Variants in LIFR observed in about 807,000 individuals in gnomAD.
LIFR encodes LIF receptor subunit alpha.
A neutral mutation model predicts 122.2 loss-of-function variants in LIFR; 84 were observed. The ratio of observed to expected loss-of-function variants is 0.69; its 90% CI spans 0.58 to 0.82. The LOEUF (loss-of-function observed/expected upper bound fraction) is 0.82. Ranked by LOEUF, LIFR falls within the 40% of genes least tolerant of loss-of-function variation. LIFR has a pLI of 0.00. For missense variants in LIFR, 1,294 were observed against 1,311.6 expected (o/e 0.99, Z 0.21); for synonymous variants, 422 against 434.7 (o/e 0.97, Z 0.36).
At chr5:38,485,123 A>C (rs2112372869) in intron 17 of LIFR, among the ~76,000 whole-genome samples, 1 of 152,316 alleles carries the variant, frequency 6.6e-6, no homozygotes, top group Admixed American at 6.5e-5. Flanking sequence ...GATCTTCACT[A>C]GAGGATCAGG....
intron 1 of LIFR, among the ~76,000 whole-genome samples, chr5:38,565,955 A>G (rs186118628): frequency 6.6e-6 from 1 of 152,348 alleles, no homozygotes; most frequent in African/African-American, 2.4e-5. Context: ...CATGCTAAGG[A>G]AACAACAGTG....
intron 1 of LIFR, among the ~76,000 whole-genome samples, chr5:38,551,487 C>T (rs1476386584): frequency 6.6e-6 from 1 of 152,194 alleles, no homozygotes; most frequent in Non-Finnish European, 1.5e-5. Flanking sequence ...ATTCAACAGT[C>T]CTCGGATTCA....
intron 1 of LIFR, among the ~76,000 whole-genome samples, chr5:38,547,909 G>A (rs1005741901): frequency 6.6e-6 from 1 of 152,128 alleles, no homozygotes; most frequent in Non-Finnish European, 1.5e-5. Flanking sequence ...TAACAGAACG[G>A]AAGTATTTGG....
At chr5:38,534,645 T>C (rs1305594683) in intron 1 of LIFR, among the ~76,000 whole-genome samples, 3 of 152,198 alleles carry the variant, frequency 2.0e-5, no homozygotes, top group African/African-American at 7.2e-5. Context: ...AAAATATCTG[T>C]ATCAAAGATG....
chr5:38,495,876 T>C (rs917900588), intron 13 of LIFR, among the ~76,000 whole-genome samples: 17 of 152,296 alleles, frequency 1.1e-4, no homozygotes, highest in East Asian at 5.8e-4. Context: ...AAGGCCTATA[T>C]TGAAGATCTA....
chr5:38,540,205 G>GACCCAGC (rs1431934988), intron 1 of LIFR, among the ~76,000 whole-genome samples: 4 of 151,896 alleles, frequency 2.6e-5, no homozygotes, highest in Admixed American at 6.6e-5. Context: ...ACACAACTAA[G>GACCCAGC]ACCCAGCACC....
intron 7 of LIFR, among the ~76,000 whole-genome samples, chr5:38,507,545 C>G (rs1399712117): frequency 4.4e-5 from 5 of 112,600 alleles, no homozygotes; most frequent in African/African-American, 1.8e-4. Flanking sequence ...GTCTGGGCGA[C>G]AGAGCGATAC....
chr5:38,531,938 G>A (rs1747035696), intron 1 of LIFR, among the ~76,000 whole-genome samples: 2 of 152,242 alleles, frequency 1.3e-5, no homozygotes, highest in Admixed American at 6.5e-5. Flanking sequence ...TTTTCTGGAT[G>A]AATGAATAAC....
intron 1 of LIFR, among the ~76,000 whole-genome samples, chr5:38,592,644 G>A (rs1235966095): frequency 1.1e-4 from 15 of 131,642 alleles, no homozygotes; most frequent in African/African-American, 4.6e-4. Context: ...GCGACAGAGC[G>A]AGACTCCGTC....
At chr5:38,560,595 G>T (rs537119653), upstream of LIFR, among the ~76,000 whole-genome samples, 1,507 of 148,882 alleles carry the variant, frequency 0.01, 14 homozygotes, top group Middle Eastern at 0.07. Context: ...GTTTTGTTTT[G>T]TTTTTTGTTT....
At chr5:38,594,580 T>A (rs1750036186) in intron 1 of LIFR, among the ~76,000 whole-genome samples, 1 of 152,172 alleles carries the variant, frequency 6.6e-6, no homozygotes, top group South Asian at 2.1e-4. Flanking sequence ...TGAAGCTCTC[T>A]GTACTTTGTG....
chr5:38,545,614 G>A (rs1747839080), intron 1 of LIFR, among the ~76,000 whole-genome samples: 1 of 151,962 alleles, frequency 6.6e-6, no homozygotes, highest in Non-Finnish European at 1.5e-5. Flanking sequence ...TGTAATCCCA[G>A]CACTTTGGGA....
upstream of LIFR, chr5:38,558,497 G>A (rs1748702146): frequency 2.6e-5 from 4 of 152,160 alleles, no homozygotes. Context: ...CACTTAGGGG[G>A]TAATGCAGGT....
chr5:38,558,184 GTA>G (rs201930349), upstream of LIFR: 2 of 151,964 alleles, frequency 1.3e-5, no homozygotes, highest in African/African-American at 4.8e-5. Flanking sequence ...TAAAATGTAT[GTA>G]TATATGTGTG....
chr5:38,510,869 T>C (rs111252334), intron 6 of LIFR, 151 bp from the exon 7 acceptor site: 4 of 667,392 alleles, frequency 6.0e-6, no homozygotes, highest in Non-Finnish European at 7.5e-6. Flanking sequence ...ATGATAATGG[T>C]CCAAAGATAA....
intron 4 of LIFR, among the ~76,000 whole-genome samples, chr5:38,525,786 A>G (rs1320726855): frequency 6.6e-6 from 1 of 152,238 alleles, no homozygotes; most frequent in Non-Finnish European, 1.5e-5. Context: ...AGAAAAGAGC[A>G]AGAGGCTTCC....
chr5:38,496,495 T>C lies in LIFR; in HGVS notation c.1772A>G (p.Gln591Arg), dbSNP rs753217071. 1 of 1,613,742 alleles carries C rather than the reference T, an allele frequency of 6.2e-7. No homozygotes were observed. The highest frequency in any genetic ancestry group is 2.2e-5 in the East Asian group (1 of 44,890). ...ATCAAGTCGTATCTCTGCTTTGTGCTGAGGATCAGGGATTTCAGAAAGGGA... is the reference window on the plus strand; with the variant it reads ...ATCAAGTCGTATCTCTGCTTTGTGCCGAGGATCAGGGATTTCAGAAAGGGA... ...TQSLSEIPDP[Q>R]HKAEIRLDKN... The change falls in exon 13 of 20, where the codon CAG becomes CGG. Residue 591 changes from glutamine (Q) to arginine (R), a missense_variant. Physicochemically the swap from Gln to Arg is conservative, Grantham distance 43 (BLOSUM62 1). Transcript: ENST00000453190.
intron 1 of LIFR, among the ~76,000 whole-genome samples, chr5:38,565,741 C>T (rs1257592693): frequency 6.6e-6 from 1 of 152,034 alleles, no homozygotes; most frequent in Non-Finnish European, 1.5e-5. Context: ...GCATGCACTG[C>T]CATGCCTGGC....
intron 1 of LIFR, among the ~76,000 whole-genome samples, chr5:38,549,728 T>C (rs1349851832): frequency 6.6e-6 from 1 of 152,176 alleles, no homozygotes; most frequent in Admixed American, 6.5e-5. Flanking sequence ...GAGGCGGAGC[T>C]TGCAGTGAGC....
Sources: gnomAD v4.1 joint callset for allele counts (sites outside exome capture counted in the v4.1 genomes callset) on GRCh38, gnomAD v4.1.1 for gene constraint, MANE v1.5 for transcripts, NCBI Gene and HGNC (gene_info 2026-07-23, HGNC 2026-07-21) for gene names.